Variants in C4orf51 observed in about 807,000 individuals in gnomAD.
The protein encoded by C4orf51 is uncharacterized protein C4orf51.
A neutral mutation model predicts 25.2 loss-of-function variants in C4orf51; 25 were observed. That is an observed-to-expected ratio of 0.99 (90% CI 0.72 to 1.39). The LOEUF is 1.39. C4orf51 is among the 40% of genes most tolerant of loss of function. The probability of loss-of-function intolerance (pLI) is 0.00; values close to 1 mark genes in which losing one functional copy is unlikely to be tolerated. For missense variants in C4orf51, 252 were observed against 239.6 expected, an observed-to-expected ratio of 1.05 and a Z score of -0.34; for synonymous variants, 100 against 84.5, an observed-to-expected ratio of 1.18 and a Z score of -1.01.
chr4:145,789,411 A>G, the C4orf51 span, among the ~76,000 whole-genome samples: 1 of 152,250 alleles, frequency 6.6e-6, no homozygotes, highest in East Asian at 1.9e-4. Flanking sequence ...AGGAGACAGT[A>G]CATAATTAAA....
chr4:145,713,396 A>G (rs972800709), intron 2 of C4orf51, among the ~76,000 whole-genome samples: 1 of 152,220 alleles, frequency 6.6e-6, no homozygotes, highest in Admixed American at 6.5e-5. Flanking sequence ...ATGAAAATTA[A>G]CGGGAGTTTG....
chr4:145,776,047 G>C, the C4orf51 span: 1 of 1,479,734 alleles, frequency 6.8e-7, no homozygotes, highest in Admixed American at 1.8e-5. Context: ...AAGGTATCAA[G>C]GAAAGAATGG....
chr4:145,747,043 T>A (rs1406878789), intron 1 of C4orf51, among the ~76,000 whole-genome samples: 1 of 152,152 alleles, frequency 6.6e-6, no homozygotes, highest in Non-Finnish European at 1.5e-5. Flanking sequence ...CTGATTTTTG[T>A]ACGTTGATTT....
intron 4 of C4orf51, among the ~76,000 whole-genome samples, chr4:145,729,515 A>T (rs1048139843): frequency 1.3e-4 from 20 of 151,824 alleles, no homozygotes; most frequent in Non-Finnish European, 2.9e-4. Context: ...GTTAGCCAGG[A>T]TGGTCTCGAT....
intron 1 of C4orf51, among the ~76,000 whole-genome samples, chr4:145,752,463 G>T (rs1455456268): frequency 6.6e-6 from 1 of 152,180 alleles, no homozygotes; most frequent in East Asian, 1.9e-4. Context: ...GCCTGGAATC[G>T]GCGCCTTATG....
the C4orf51 span, among the ~76,000 whole-genome samples, chr4:145,781,057 G>A: frequency 7.2e-4 from 109 of 152,010 alleles, no homozygotes; most frequent in Middle Eastern, 3.4e-3. Flanking sequence ...TTAGCCGGGC[G>A]TGGTGGCGGG....
At chr4:145,772,951 A>G (rs2126927375), downstream of C4orf51, among the ~76,000 whole-genome samples, 1 of 152,314 alleles carries the variant, frequency 6.6e-6, no homozygotes, top group African/African-American at 2.4e-5. Flanking sequence ...TTAAATGATG[A>G]CAAGTCCAGC....
chr4:145,730,985 A>G (rs1234791441), intron 5 of C4orf51, among the ~76,000 whole-genome samples: 1 of 152,202 alleles, frequency 6.6e-6, no homozygotes, highest in Non-Finnish European at 1.5e-5. Context: ...AGCATTTCAA[A>G]CAGGGAAAGC....
chr4:145,723,841 A>G (rs1024729857), intron 2 of C4orf51, among the ~76,000 whole-genome samples: 1 of 152,206 alleles, frequency 6.6e-6, no homozygotes, highest in African/African-American at 2.4e-5. Flanking sequence ...CATGGGCTCT[A>G]TTTTGTGAAC....
At chr4:145,774,437 C>A, downstream of C4orf51, 3 of 1,533,298 alleles carry the variant, frequency 2.0e-6, 1 homozygote, top group Non-Finnish European at 2.7e-6. Context: ...ATGCTTCGGC[C>A]AGGTGGCAGG....
downstream of C4orf51, among the ~76,000 whole-genome samples, chr4:145,735,891 C>T (rs186807711): frequency 6.6e-6 from 1 of 152,236 alleles, no homozygotes; most frequent in Non-Finnish European, 1.5e-5. Context: ...TCTGGTTCTG[C>T]GAGAGAATGG....
chr4:145,688,307 G>A (rs999667426), intron 1 of C4orf51, among the ~76,000 whole-genome samples: 1 of 151,080 alleles, frequency 6.6e-6, no homozygotes, highest in African/African-American at 2.4e-5. Context: ...AAAACCAGAA[G>A]ACATTAGAGA....
downstream of C4orf51, among the ~76,000 whole-genome samples, chr4:145,755,234 G>GT (rs1443052739): frequency 6.6e-6 from 1 of 152,170 alleles, no homozygotes; most frequent in Non-Finnish European, 1.5e-5. Flanking sequence ...ATGCTTAACG[G>GT]TATGTCTTAA....
At chr4:145,766,541 A>G (rs1735324733) in intron 1 of C4orf51, among the ~76,000 whole-genome samples, 1 of 152,100 alleles carries the variant, frequency 6.6e-6, no homozygotes, top group African/African-American at 2.4e-5. Context: ...AACCTGACAG[A>G]CTCCGAGTGG....
downstream of C4orf51, among the ~76,000 whole-genome samples, chr4:145,733,707 A>C (rs553538165): frequency 6.5e-4 from 99 of 152,234 alleles, no homozygotes; most frequent in African/African-American, 2.3e-3. Flanking sequence ...GGTCGGGTTA[A>C]ATACATTCCC....
chr4:145,757,212 T>C (rs868044804), downstream of C4orf51, among the ~76,000 whole-genome samples: 2 of 152,240 alleles, frequency 1.3e-5, no homozygotes, highest in African/African-American at 4.8e-5. Context: ...ATACCATTTT[T>C]CCACTCATTA....
intron 1 of C4orf51, among the ~76,000 whole-genome samples, chr4:145,689,312 T>C (rs1328444927): frequency 6.6e-6 from 1 of 152,108 alleles, no homozygotes; most frequent in Non-Finnish European, 1.5e-5. Context: ...TTCAACTAAA[T>C]ACAATATTAA....
chr4:145,749,024 A>G (rs1190548619), intron 1 of C4orf51, among the ~76,000 whole-genome samples: 3 of 145,116 alleles, frequency 2.1e-5, no homozygotes, highest in South Asian at 2.1e-4. Context: ...CTCTAATAAT[A>G]TTTGCATTAT....
chr4:145,703,353 C>T, intron 2 of C4orf51, among the ~76,000 whole-genome samples: 1 of 152,010 alleles, frequency 6.6e-6, no homozygotes, highest in Non-Finnish European at 1.5e-5. Context: ...TGTAATTTTC[C>T]TTTACCTACC....
Sources: gnomAD v4.1 joint callset for allele counts (sites outside exome capture counted in the v4.1 genomes callset) on GRCh38, gnomAD v4.1.1 for gene constraint, MANE v1.5 for transcripts, NCBI Gene and HGNC (gene_info 2026-07-23, HGNC 2026-07-21) for gene names.